Variants in CDH18 observed in about 807,000 individuals in gnomAD.
The protein encoded by CDH18 is cadherin-18.
In CDH18, 31 loss-of-function variants were observed where a neutral mutation model predicts 67.9. That is an observed-to-expected ratio of 0.46 (90% CI 0.34 to 0.62). The LOEUF is 0.62. CDH18 is among the 20% of genes least tolerant of loss of function. The pLI is 0.01. For missense variants in CDH18, 890 were observed against 975.5 expected (o/e 0.91, Z 1.17); for synonymous variants, 362 against 347.2 (o/e 1.04, Z -0.48).
intron 1 of CDH18, among the ~76,000 whole-genome samples, chr5:20,456,965 C>T (rs1750878178): frequency 6.6e-6 from 1 of 152,094 alleles, no homozygotes; most frequent in African/African-American, 2.4e-5. Flanking sequence ...AGAAGAGTTC[C>T]ACACAATTAT....
At chr5:19,720,937 A>G (rs1304883842) in intron 5 of CDH18, among the ~76,000 whole-genome samples, 2 of 152,182 alleles carry the variant, frequency 1.3e-5, no homozygotes, top group Non-Finnish European at 1.5e-5. Context: ...AAGCAAAATC[A>G]ATGTAGGAAA....
chr5:19,597,551 C>T (rs12153270), intron 6 of CDH18, among the ~76,000 whole-genome samples: 1 of 151,946 alleles, frequency 6.6e-6, no homozygotes, highest in Non-Finnish European at 1.5e-5. Context: ...CTATTGCACC[C>T]TTATTGCTGA....
At chr5:19,592,382 T>C (rs1365742116) in intron 6 of CDH18, among the ~76,000 whole-genome samples, 1 of 152,030 alleles carries the variant, frequency 6.6e-6, no homozygotes, top group Non-Finnish European at 1.5e-5. Flanking sequence ...AATTATTTTA[T>C]TGACAAGTTA....
chr5:19,553,620 A>G (rs549586060), intron 8 of CDH18, among the ~76,000 whole-genome samples: 43 of 147,736 alleles, frequency 2.9e-4, no homozygotes, highest in South Asian at 1.5e-3. Context: ...TATTACCACA[A>G]CTTGGTCTCA....
intron 1 of CDH18, among the ~76,000 whole-genome samples, chr5:20,442,160 G>A (rs1049424244): frequency 6.6e-6 from 1 of 151,806 alleles, no homozygotes; most frequent in African/African-American, 2.4e-5. Flanking sequence ...AATGAATGCA[G>A]TACCCCTGGT....
At chr5:19,582,843 T>G (rs1410033194) in intron 7 of CDH18, among the ~76,000 whole-genome samples, 1 of 151,844 alleles carries the variant, frequency 6.6e-6, no homozygotes, top group East Asian at 1.9e-4. Flanking sequence ...CCTTATTGTG[T>G]TACTAAATGC....
At chr5:20,176,263 C>T (rs946148338) in intron 2 of CDH18, among the ~76,000 whole-genome samples, 1 of 152,144 alleles carries the variant, frequency 6.6e-6, no homozygotes, top group Non-Finnish European at 1.5e-5. Context: ...TGAGGATGTA[C>T]CTGCAATAAG....
chr5:20,068,895 A>C (rs1177012531), intron 2 of CDH18, among the ~76,000 whole-genome samples: 12 of 152,202 alleles, frequency 7.9e-5, no homozygotes, highest in African/African-American at 2.7e-4. Context: ...GGTCATAAAC[A>C]TGATAATGAG....
chr5:20,076,966 A>G (rs1012610666), intron 2 of CDH18, among the ~76,000 whole-genome samples: 1 of 152,212 alleles, frequency 6.6e-6, no homozygotes, highest in East Asian at 1.9e-4. Context: ...GTAAAAATCA[A>G]TTCCTCTGGT....
intron 2 of CDH18, among the ~76,000 whole-genome samples, chr5:20,245,500 T>C (rs1743305744): frequency 6.6e-6 from 1 of 152,090 alleles, no homozygotes; most frequent in Non-Finnish European, 1.5e-5. Flanking sequence ...GCCCACTTGA[T>C]CTAGATTGAG....
chr5:20,571,930 A>C (rs1758842575), intron 1 of CDH18, among the ~76,000 whole-genome samples: 1 of 152,042 alleles, frequency 6.6e-6, no homozygotes, highest in South Asian at 2.1e-4. Context: ...GTAACCCCTA[A>C]CCAAGTCCTG....
chr5:20,189,448 C>G (rs183951585), intron 2 of CDH18, among the ~76,000 whole-genome samples: 80 of 152,176 alleles, frequency 5.3e-4, no homozygotes, highest in African/African-American at 1.8e-3. Flanking sequence ...AGTTAACTCT[C>G]TCTAATGCCA....
intron 5 of CDH18, among the ~76,000 whole-genome samples, chr5:19,712,226 C>T (rs1408190619): frequency 6.6e-6 from 1 of 151,832 alleles, no homozygotes; most frequent in Non-Finnish European, 1.5e-5. Flanking sequence ...GTTTATTATA[C>T]CAAAAGCCCA....
intron 2 of CDH18, among the ~76,000 whole-genome samples, chr5:19,855,402 T>C (rs1784167699): frequency 6.6e-6 from 1 of 151,488 alleles, no homozygotes; most frequent in Non-Finnish European, 1.5e-5. Context: ...ATGATAAATT[T>C]ATAGTATCTT....
At chr5:20,049,677 G>A (rs1179266726) in intron 2 of CDH18, among the ~76,000 whole-genome samples, 12 of 151,676 alleles carry the variant, frequency 7.9e-5, no homozygotes, top group Admixed American at 1.3e-4. Flanking sequence ...TTTAATAGTC[G>A]TAATAATGGA....
intron 2 of CDH18, among the ~76,000 whole-genome samples, chr5:20,140,108 C>T (rs1236450013): frequency 1.3e-5 from 2 of 152,082 alleles, no homozygotes; most frequent in Non-Finnish European, 2.9e-5. Context: ...GAAAATGTGG[C>T]ACATATACAC....
intron 5 of CDH18, among the ~76,000 whole-genome samples, chr5:19,647,625 A>C (rs1053405618): frequency 2.6e-5 from 4 of 151,358 alleles, no homozygotes; most frequent in Admixed American, 2.6e-4. Flanking sequence ...GCAATTTAAA[A>C]GCAGTAATGT....
intron 2 of CDH18, among the ~76,000 whole-genome samples, chr5:19,961,987 T>A (rs1339465652): frequency 6.6e-6 from 1 of 152,016 alleles, no homozygotes; most frequent in East Asian, 1.9e-4. Flanking sequence ...GTTAACCTTC[T>A]CTCCTGTAGA....
chr5:19,895,519 C>T (rs1303741983), intron 2 of CDH18, among the ~76,000 whole-genome samples: 1 of 151,916 alleles, frequency 6.6e-6, no homozygotes, highest in Admixed American at 6.6e-5. Context: ...GGTATTGATC[C>T]CAGAGAAATG....
Sources: allele counts gnomAD v4.1 joint callset (sites outside exome capture counted in the v4.1 genomes callset), GRCh38; gene constraint gnomAD v4.1.1; transcripts MANE v1.5; gene names NCBI Gene and HGNC (gene_info 2026-07-23, HGNC 2026-07-21).